The following NEBL variants were observed in gnomAD, a reference collection of about 807,000 sequenced individuals.
NEBL encodes the protein LIM and SH3 protein 2.
Under a neutral mutation model 140.2 loss-of-function variants are expected in NEBL, and 122 were observed. The ratio of observed to expected loss-of-function variants is 0.87; its 90% CI spans 0.75 to 1.01. The LOEUF (loss-of-function observed/expected upper bound fraction) is 1.01. Among genes scored for constraint, NEBL ranks in the 50% least tolerant of loss-of-function variants. The probability of loss-of-function intolerance (pLI) is 0.00; values close to 1 mark genes in which losing one functional copy is unlikely to be tolerated. For missense variants in NEBL, 1,365 were observed against 1,231.3 expected (o/e 1.11, Z -1.62); for synonymous variants, 436 against 398.9 (o/e 1.09, Z -1.11).
chr10:21,278,496 G>C (rs1373545160), intron 1 of NEBL, among the ~76,000 whole-genome samples: 1 of 152,122 alleles, frequency 6.6e-6, no homozygotes, highest in African/African-American at 2.4e-5. Flanking sequence ...TGAGGCCCTG[G>C]ACCCATAACT....
intron 3 of NEBL, among the ~76,000 whole-genome samples, chr10:20,997,284 ACCACAGCCAGTAACAGTC>A (rs1837703504): frequency 6.6e-6 from 1 of 152,036 alleles, no homozygotes; most frequent in African/African-American, 2.4e-5. Flanking sequence ...TCAATCTCTG[ACCACAGCCAGTAACAGTC>A]CCTGTTACTC....
At chr10:21,281,401 ATCC>A in intron 1 of NEBL, among the ~76,000 whole-genome samples, 1 of 151,850 alleles carries the variant, frequency 6.6e-6, no homozygotes. Context: ...GCCTCAAGTA[ATCC>A]TCCTGCCTCA....
intron 3 of NEBL, among the ~76,000 whole-genome samples, chr10:21,002,693 G>C (rs1168067248): frequency 6.6e-6 from 1 of 152,094 alleles, no homozygotes; most frequent in Non-Finnish European, 1.5e-5. Flanking sequence ...GTACGAAAGA[G>C]AGCGAGCGAA....
At chr10:21,138,174 T>C (rs1839443929) in intron 2 of NEBL, among the ~76,000 whole-genome samples, 1 of 151,992 alleles carries the variant, frequency 6.6e-6, no homozygotes, top group Non-Finnish European at 1.5e-5. Flanking sequence ...AAAACAGTCT[T>C]ATATTATTGG....
intron 2 of NEBL, among the ~76,000 whole-genome samples, chr10:21,081,251 A>C (rs1836355371): frequency 6.6e-6 from 1 of 152,188 alleles, no homozygotes; most frequent in African/African-American, 2.4e-5. Flanking sequence ...GTGTTTTTCT[A>C]AGCTGGCCTA....
chr10:21,257,689 T>A (rs944193671), intron 1 of NEBL, among the ~76,000 whole-genome samples: 6 of 151,984 alleles, frequency 3.9e-5, no homozygotes, highest in Non-Finnish European at 7.4e-5. Context: ...ATCGAGACCA[T>A]CCTGGCTAAC....
intron 2 of NEBL, among the ~76,000 whole-genome samples, chr10:21,063,393 A>G (rs1835387913): frequency 1.3e-5 from 2 of 152,224 alleles, no homozygotes; most frequent in South Asian, 4.1e-4. Flanking sequence ...ACTAATAGTC[A>G]CGAGATGCCT....
intron 2 of NEBL, among the ~76,000 whole-genome samples, chr10:21,154,835 T>C (rs1840277077): frequency 6.6e-6 from 1 of 152,214 alleles, no homozygotes; most frequent in South Asian, 2.1e-4. Context: ...TTTTAACCTT[T>C]GTGGGTGTAT....
intron 4 of NEBL, among the ~76,000 whole-genome samples, chr10:20,917,415 C>T (rs914038180): frequency 2.0e-5 from 3 of 152,142 alleles, no homozygotes; most frequent in Admixed American, 1.3e-4. Flanking sequence ...TACCCATTGG[C>T]GTCACAACAG....
rs764345344 is a variant in NEBL, at chr10:20,869,820, G to A, written c.502C>T (p.Gln168Ter). The A allele has an allele frequency of 3.1e-6, 5 of 1,611,422 alleles. No individual in the cohort carries two copies. Among genetic ancestry groups the A allele is most frequent in the South Asian group, 1.1e-5 (1 of 91,038 alleles). ...TCTGCACTGTACGTGTGGGTGTCCT[G>A]CACGTCTTTCCTATAAGAAATCTGA... ...QSNISYRKDV[Q>*]DTHTYSAELD... Residue 168 changes from glutamine (Q) to a stop codon, truncating the protein, a stop_gained, in exon 6 of 28, where the codon CAG (glutamine) becomes TAG (stop). Transcript: ENST00000377122. LOFTEE classifies it high-confidence loss of function.
chr10:21,226,363 A>G (rs2054959419), intron 3 of NEBL, among the ~76,000 whole-genome samples: 1 of 151,570 alleles, frequency 6.6e-6, no homozygotes, highest in Non-Finnish European at 1.5e-5. Context: ...TGACATGAGC[A>G]CTCCCTTGGT....
intron 2 of NEBL, among the ~76,000 whole-genome samples, chr10:20,891,081 T>G (rs1846988736): frequency 6.6e-6 from 1 of 152,202 alleles, no homozygotes; most frequent in Non-Finnish European, 1.5e-5. Context: ...TGTTATACAC[T>G]AATGGTACAT....
intron 2 of NEBL, among the ~76,000 whole-genome samples, chr10:21,103,679 A>G (rs1404747157): frequency 2.0e-5 from 3 of 152,148 alleles, no homozygotes; most frequent in Non-Finnish European, 4.4e-5. Flanking sequence ...GAGTTTCAAG[A>G]GTTCTTTATA....
At position 21,288,851 on chromosome 10, in the gene NEBL, A is replaced by ATATATAT. The variant is rs1337610393; in HGVS notation, n.182+3978_182+3979insATATATA. 2.0e-3 allele frequency among the ~76,000 whole-genome samples: 64 copies of ATATATAT among 32,148 alleles called. 1 individual carries two copies. The highest frequency in any genetic ancestry group is 5.3e-3 in the African/African-American group (52 of 9,820). The allele number at this position is 32,148 out of a possible 152,430, so 21.1% of individuals were successfully genotyped here. A position where few individuals can be genotyped will look rare whatever the true frequency, so the allele number is the denominator to read the frequency against. On this transcript the variant is annotated intron_variant and non_coding_transcript_variant, in intron 1 of 8. Transcript: ENST00000675702. The stretch of plus-strand genomic sequence containing the variant: ...ATATATATATATATATATATATATA[A>ATATATAT]AAATTTTTTTTTTTTGAGACGGAGT...
At chr10:21,040,134 G>A (rs1332583783) in intron 2 of NEBL, among the ~76,000 whole-genome samples, 1 of 152,176 alleles carries the variant, frequency 6.6e-6, no homozygotes, top group Non-Finnish European at 1.5e-5. Context: ...TTGGGAGGCT[G>A]AGGCAGGTGG....
intron 3 of NEBL, among the ~76,000 whole-genome samples, chr10:21,242,135 G>C (rs1046542697): frequency 3.9e-5 from 6 of 152,200 alleles, no homozygotes; most frequent in Non-Finnish European, 1.5e-5. Flanking sequence ...CTGGGAGGCA[G>C]AAGTTGGAGT....
intron 3 of NEBL, among the ~76,000 whole-genome samples, chr10:21,181,765 C>G (rs999021898): frequency 6.6e-6 from 1 of 152,228 alleles, no homozygotes; most frequent in Admixed American, 6.5e-5. Flanking sequence ...CTGGCCGTGA[C>G]CACACGTGGG....
chr10:20,902,487 G>C (rs919341231), intron 4 of NEBL, among the ~76,000 whole-genome samples: 6 of 152,062 alleles, frequency 3.9e-5, no homozygotes, highest in African/African-American at 1.4e-4. Flanking sequence ...ACAAATGAGA[G>C]CTACATAGTT....
intron 2 of NEBL, among the ~76,000 whole-genome samples, chr10:21,092,537 T>C (rs1836967956): frequency 6.6e-6 from 1 of 151,224 alleles, no homozygotes; most frequent in Non-Finnish European, 1.5e-5. Flanking sequence ...TATAAGCTAG[T>C]CACAATACTA....
Sources: gnomAD v4.1 joint callset for allele counts (sites outside exome capture counted in the v4.1 genomes callset) on GRCh38, gnomAD v4.1.1 for gene constraint, MANE v1.5 for transcripts, NCBI Gene and HGNC (gene_info 2026-07-23, HGNC 2026-07-21) for gene names.